The following CYTH4 variants were observed in gnomAD, a reference collection of about 807,000 sequenced individuals.
CYTH4 encodes cytohesin-4.
CYTH4 carries 22 observed loss-of-function variants against 57.5 expected under a neutral mutation model. That is an observed-to-expected ratio of 0.38 (90% CI 0.27 to 0.55). CYTH4 has a LOEUF of 0.55. CYTH4 is among the 20% of genes least tolerant of loss of function. The probability of loss-of-function intolerance (pLI) is 0.74; values close to 1 mark genes in which losing one functional copy is unlikely to be tolerated. For missense variants in CYTH4, 420 were observed against 535.6 expected, an observed-to-expected ratio of 0.78 and a Z score of 2.13; for synonymous variants, 186 against 206.5, an observed-to-expected ratio of 0.90 and a Z score of 0.85.
In CYTH4 at chr22:37,311,394, C is replaced by A. The variant is rs1929637476; in HGVS notation, c.886-62C>A. The A allele has an allele frequency of 6.8e-7, 1 of 1,459,890 alleles. No individual in the cohort carries two copies. Among genetic ancestry groups the A allele is most frequent in the Non-Finnish European group, 9.6e-7 (1 of 1,040,658 alleles). The allele number at this position is 1,459,890 out of a possible 1,614,324, so 90.4% of individuals were successfully genotyped here. A position where few individuals can be genotyped will look rare whatever the true frequency, so the allele number is the denominator to read the frequency against. ...GTTTGGGGAACCCCACACGTTCACACCCTGCCTTGGGCCTCAGGGTTCCGC... is the reference window on the plus strand; with the variant it reads ...GTTTGGGGAACCCCACACGTTCACAACCTGCCTTGGGCCTCAGGGTTCCGC... On this transcript the variant is annotated intron_variant, in intron 10 of 12. Transcript: ENST00000248901. This position sits in a 1 kb window ranked among gnomAD's most constrained non-coding sequence, Gnocchi z 4.4.
intron 7 of CYTH4, among the ~76,000 whole-genome samples, chr22:37,303,028 C>T (rs535608967): frequency 2.6e-5 from 4 of 151,860 alleles, no homozygotes; most frequent in Admixed American, 1.3e-4. Flanking sequence ...GGAGCGTACG[C>T]GCGGAGGTAG....
At chr22:37,296,098 T>A (rs1322999230) in intron 4 of CYTH4, 33 bp downstream of exon 4, 27 of 1,601,130 alleles carry the variant, frequency 1.7e-5, no homozygotes, top group Admixed American at 1.5e-4. Flanking sequence ...GGCCACAGGG[T>A]GTGGGGGCTG....
chr22:37,287,582 G>A (rs1035707482), intron 1 of CYTH4, among the ~76,000 whole-genome samples: 18 of 151,912 alleles, frequency 1.2e-4, no homozygotes, highest in African/African-American at 4.1e-4. Context: ...GAAGAGTTCC[G>A]GAGCCAGCTT....
intron 1 of CYTH4, among the ~76,000 whole-genome samples, chr22:37,289,214 CTG>C (rs1263894322): frequency 6.6e-6 from 1 of 152,228 alleles, no homozygotes; most frequent in Non-Finnish European, 1.5e-5. Context: ...CTCCTGACAT[CTG>C]TGTTTCTGAT....
At chr22:37,303,223 G>A (rs957886750) in intron 7 of CYTH4, 31 bp from the exon 8 acceptor site, 1 of 1,612,790 alleles carries the variant, frequency 6.2e-7, no homozygotes, top group South Asian at 1.1e-5. Flanking sequence ...AGTGGCCAGG[G>A]CCAGAACTGT....
intron 4 of CYTH4, chr22:37,296,691 G>A (rs1367172866): frequency 6.5e-6 from 1 of 154,284 alleles, no homozygotes; most frequent in Non-Finnish European, 1.4e-5. Context: ...AAGGCTCCCT[G>A]TCCCCATCAC....
chr22:37,312,232 CT>C lies in CYTH4; in HGVS notation c.1112+62del. 5.0e-6 allele frequency: 8 copies of C among 1,593,534 alleles called. No homozygotes were observed. The South Asian group carries it at 7.8e-5, about 16-fold the overall frequency. Reference sequence around the variant, plus strand: ...CGTCACCTTCCAGAAGGCCCTGCTTCTTTTGGGTCTTGCTTCCTTATCTGTA... The same window carrying C: ...CGTCACCTTCCAGAAGGCCCTGCTTCTTTGGGTCTTGCTTCCTTATCTGTA... On this transcript the variant is annotated intron_variant, in intron 12 of 12. Coordinates refer to ENST00000248901, the MANE Select transcript of CYTH4 (RefSeq NM_013385.5).
intron 8 of CYTH4, among the ~76,000 whole-genome samples, chr22:37,308,058 C>T (rs1464614006): frequency 1.3e-5 from 2 of 152,226 alleles, no homozygotes; most frequent in African/African-American, 2.4e-5. Flanking sequence ...GACCCCACCC[C>T]GGCCCATCCA....
chr22:37,290,690 A>T (rs1928717759), intron 1 of CYTH4, among the ~76,000 whole-genome samples: 1 of 152,054 alleles, frequency 6.6e-6, no homozygotes, highest in Non-Finnish European at 1.5e-5. Context: ...TTGTATTTTT[A>T]GTAGAGATGG....
In CYTH4 at chr22:37,314,803, T is replaced by C; in HGVS notation, c.*1292T>C. ...CAGGGGAACAGGAAATGTGGCCGCC[T>C]CTGCCCCACTGCCAGCCTGAGTGGG... On this transcript the variant is annotated 3_prime_UTR_variant, in exon 13 of 13. Coordinates refer to ENST00000248901, the MANE Select transcript of CYTH4 (RefSeq NM_013385.5). 5.9e-6 allele frequency: 1 copy of C among 169,896 alleles called. No individual in the cohort carries two copies. The highest frequency in any genetic ancestry group is 1.3e-5 in the Non-Finnish European group (1 of 79,872). The allele number at this position is 169,896 out of a possible 1,614,324, so 10.5% of individuals were successfully genotyped here.
rs902233699 is a variant in CYTH4 at position 37,300,926 on chromosome 22, C to T, written c.454C>T (p.Arg152Trp). ...CCCCAGGCAGTTCCTGTGGAGCTTC[C>T]GGCTGCCGGGCGAGGCCCAGAAGAT... ...QALRQFLWSF[R>W]LPGEAQKIDR... Residue 152 changes from arginine (R) to tryptophan (W), a missense_variant, in exon 7 of 13, where the codon CGG (arginine) becomes TGG (tryptophan). By Grantham distance (101) the Arg-to-Trp change is moderately radical. Transcript: ENST00000248901. The T allele has an allele frequency of 8.7e-6, 14 of 1,614,034 alleles. No homozygotes were observed. The highest frequency in any genetic ancestry group is 4.0e-5 in the African/African-American group (3 of 74,952).
chr22:37,314,048 A>G lies in CYTH4; in HGVS notation c.*537A>G, dbSNP rs1929754458. 1.0e-5 allele frequency: 3 copies of G among 296,218 alleles called. No homozygotes were observed. Among genetic ancestry groups the G allele is most frequent in the African/African-American group, 4.3e-5 (2 of 46,426 alleles). 18.3% of individuals were successfully genotyped at this position (296,218 alleles called of 1,614,324 possible). On this transcript the variant is annotated 3_prime_UTR_variant, in exon 13 of 13. Coordinates refer to ENST00000248901, the MANE Select transcript of CYTH4 (RefSeq NM_013385.5). ...ACACACACAGCTCAGACCCACGGAC[A>G]GGACCCCGGGACAGAACCCCGGGAG...
At chr22:37,296,108 G>T in intron 4 of CYTH4, 43 bp downstream of exon 4, 2 of 1,580,062 alleles carry the variant, frequency 1.3e-6, no homozygotes, top group Non-Finnish European at 1.7e-6. Flanking sequence ...TGTGGGGGCT[G>T]CATGGGAGCA....
At chr22:37,299,335 C>T (rs1243614163) in intron 6 of CYTH4, 29 bp downstream of exon 6, 3 of 1,603,658 alleles carry the variant, frequency 1.9e-6, no homozygotes. Context: ...GGGTCCCGGC[C>T]CTCAAGGGTG....
chr22:37,308,818 G>A (rs1028205771), intron 8 of CYTH4, among the ~76,000 whole-genome samples: 1 of 152,094 alleles, frequency 6.6e-6, no homozygotes, highest in African/African-American at 2.4e-5. Flanking sequence ...GCATGTATGT[G>A]TGAGCATGCA....
chr22:37,289,021 G>A (rs1334778503), intron 1 of CYTH4, among the ~76,000 whole-genome samples: 4 of 152,220 alleles, frequency 2.6e-5, no homozygotes, highest in East Asian at 3.8e-4. Flanking sequence ...GGCAGGAAAG[G>A]CAAACACATT....
chr22:37,309,185 G>C, intron 8 of CYTH4, 27 bp from the exon 9 acceptor site: 2 of 1,610,518 alleles, frequency 1.2e-6, no homozygotes, highest in Non-Finnish European at 1.7e-6. Context: ...TCACAGCCAG[G>C]TCTTTCTCTC....
intron 1 of CYTH4, among the ~76,000 whole-genome samples, chr22:37,288,565 G>T (rs1323766940): frequency 4.1e-5 from 6 of 148,012 alleles, no homozygotes; most frequent in Non-Finnish European, 8.9e-5. Flanking sequence ...CAACCTGGGT[G>T]ACAGAGCAAG....
At chr22:37,283,286 C>G (rs545933440) in intron 1 of CYTH4, among the ~76,000 whole-genome samples, 1 of 152,230 alleles carries the variant, frequency 6.6e-6, no homozygotes, top group South Asian at 2.1e-4. Context: ...AGAAAGGAGG[C>G]TGCAAAGATG....
Sources: allele counts gnomAD v4.1 joint callset (sites outside exome capture counted in the v4.1 genomes callset), GRCh38; gene constraint gnomAD v4.1.1; non-coding constraint Gnocchi (gnomAD v3.1); transcripts MANE v1.5; gene names NCBI Gene and HGNC (gene_info 2026-07-23, HGNC 2026-07-21).